MKX: variants seen among roughly 807,000 people sequenced by gnomAD.
MKX encodes mohawk homeobox, also known as homeobox protein Mohawk.
Under a neutral mutation model 36.0 loss-of-function variants are expected in MKX, and 13 were observed. That is an observed-to-expected ratio of 0.36 (90% confidence interval 0.24 to 0.57). MKX has a LOEUF of 0.57. Among genes scored for constraint, MKX ranks in the 20% least tolerant of loss-of-function variants. MKX has a pLI of 0.79. For missense variants in MKX, 458 were observed against 456.4 expected, an observed-to-expected ratio of 1.00 and a Z score of -0.03; for synonymous variants, 176 against 178.3, an observed-to-expected ratio of 0.99 and a Z score of 0.10.
At chr10:27,679,552 G>GT (rs1006991122) in intron 5 of MKX, among the ~76,000 whole-genome samples, 6 of 152,218 alleles carry the variant, frequency 3.9e-5, no homozygotes, top group Admixed American at 1.3e-4. Context: ...GGAGTAACGT[G>GT]TTCTGGTTCC....
rs773491424 is a variant in MKX, at chr10:27,741,329, A to T, written c.348+16T>A. 5.6e-6 allele frequency: 9 copies of T among 1,610,538 alleles called. No homozygotes were observed. In the South Asian group the frequency reaches 7.7e-5, roughly 14 times the overall value. On this transcript the variant is annotated intron_variant, in intron 3 of 6. Transcript: ENST00000419761. The surrounding 1 kb of genome is among the most constrained non-coding windows in gnomAD (Gnocchi z 5.1). ...TCGCGGGAAAACGGATCAGGGTGTTAATGGGTCCTGATTACCTGCACTAGC... is the reference window on the plus strand; with the variant it reads ...TCGCGGGAAAACGGATCAGGGTGTTTATGGGTCCTGATTACCTGCACTAGC...
chr10:27,686,781 CTT>C (rs1419149120), intron 5 of MKX, among the ~76,000 whole-genome samples: 1 of 152,060 alleles, frequency 6.6e-6, no homozygotes, highest in South Asian at 2.1e-4. Flanking sequence ...CCAGCCAACT[CTT>C]TTCCAAAAAT....
intron 5 of MKX, among the ~76,000 whole-genome samples, chr10:27,712,112 TG>T (rs1836884339): frequency 6.6e-6 from 1 of 152,156 alleles, no homozygotes; most frequent in African/African-American, 2.4e-5. Flanking sequence ...GATACAGCTC[TG>T]GAGTGGTCAA....
chr10:27,706,835 A>G lies in MKX; in HGVS notation c.838+27621T>C, dbSNP rs530802378. Among the ~76,000 whole-genome samples, 30 of 152,298 alleles carry G rather than the reference A, an allele frequency of 2.0e-4. 1 individual carries two copies. In the South Asian group the frequency reaches 6.2e-3, roughly 32 times the overall value. ...TATCTATATTTATACTTGCTCTTAA[A>G]TCCATAAAGAATCTCTGTAAGAATA... On this transcript the variant is annotated intron_variant, in intron 5 of 6. Coordinates refer to ENST00000419761, the MANE Select transcript of MKX (RefSeq NM_173576.3).
intron 5 of MKX, among the ~76,000 whole-genome samples, chr10:27,683,310 C>T (rs577566282): frequency 6.6e-6 from 1 of 152,340 alleles, no homozygotes; most frequent in South Asian, 2.1e-4. Context: ...CGATTGCCTA[C>T]AGTAGTCAGT....
chr10:27,675,966 T>C (rs1426629294), intron 5 of MKX, among the ~76,000 whole-genome samples: 1 of 152,190 alleles, frequency 6.6e-6, no homozygotes, highest in Non-Finnish European at 1.5e-5. Flanking sequence ...TTCAGTTCTC[T>C]AACTATAAAA....
At chr10:27,722,726 G>A (rs1490940075) in intron 5 of MKX, among the ~76,000 whole-genome samples, 7 of 152,202 alleles carry the variant, frequency 4.6e-5, no homozygotes, top group Non-Finnish European at 8.8e-5. Flanking sequence ...CACAGTTGAA[G>A]GAGTGGGGAC....
chr10:27,684,143 G>A (rs559188927), intron 5 of MKX, among the ~76,000 whole-genome samples: 24 of 151,642 alleles, frequency 1.6e-4, no homozygotes, highest in Non-Finnish European at 2.9e-4. Context: ...TTGAGACTCC[G>A]TGTCTATTAA....
chr10:27,689,287 C>T (rs953503770), intron 5 of MKX, among the ~76,000 whole-genome samples: 5 of 152,144 alleles, frequency 3.3e-5, no homozygotes, highest in Non-Finnish European at 7.3e-5. Context: ...TGTTCATCTG[C>T]TGTATTTACT....
intron 5 of MKX, among the ~76,000 whole-genome samples, chr10:27,717,801 C>T (rs1836992052): frequency 6.6e-6 from 1 of 152,176 alleles, no homozygotes; most frequent in African/African-American, 2.4e-5. Flanking sequence ...ATTTTAGCAC[C>T]TTAAAGGATG....
Position 27,744,217 on chromosome 10 carries a change from A to G in MKX, c.-82-720T>C, listed in dbSNP as rs1834994346. 6.6e-6 allele frequency among the ~76,000 whole-genome samples: 1 copy of G among 151,950 alleles called. No homozygotes were observed. Among genetic ancestry groups the G allele is most frequent in the African/African-American group, 2.4e-5 (1 of 41,376 alleles). On this transcript the variant is annotated intron_variant, in intron 1 of 6. Transcript: ENST00000419761. This position sits in a 1 kb window ranked among gnomAD's most constrained non-coding sequence, Gnocchi z 5.6. ...TATCATCCCCCAACGCGCCCCGGGA[A>G]GTGCATGGTCCTAAGGTCCAAGGCG... is the stretch of plus-strand genomic sequence containing the variant.
intron 5 of MKX, among the ~76,000 whole-genome samples, chr10:27,710,566 C>A (rs1032266508): frequency 2.0e-5 from 3 of 152,198 alleles, no homozygotes; most frequent in African/African-American, 7.2e-5. Flanking sequence ...GAATTTCTAC[C>A]TTTTCCACAC....
intron 5 of MKX, among the ~76,000 whole-genome samples, chr10:27,704,336 T>C (rs953275543): frequency 5.9e-5 from 9 of 152,094 alleles, no homozygotes; most frequent in Admixed American, 5.2e-4. Flanking sequence ...AGACAAGTTG[T>C]CCCTAAAGTT....
At chr10:27,745,107 C>T (rs1376226369) in intron 1 of MKX, among the ~76,000 whole-genome samples, 1 of 151,806 alleles carries the variant, frequency 6.6e-6, no homozygotes, top group East Asian at 1.9e-4. Context: ...GTACAAGACA[C>T]CCTTCCCCGG....
rs529600421 is a variant in MKX at position 27,742,316 on chromosome 10, C to G, written c.189-812G>C. Among the ~76,000 whole-genome samples the G allele has an allele frequency of 1.4e-4, 22 of 152,310 alleles. No individual in the cohort carries two copies. The highest frequency in any genetic ancestry group is 4.6e-4 in the African/African-American group (19 of 41,596). On this transcript the variant is annotated intron_variant, in intron 2 of 6. Transcript: ENST00000419761. The surrounding 1 kb of genome is among the most constrained non-coding windows in gnomAD (Gnocchi z 4.2). ...GGTGTCGCGCGCGGCCGCCAGCGAGCCCAGCCGCTCCCCGAGGCTTGCGCG... is the reference window on the plus strand; with the variant it reads ...GGTGTCGCGCGCGGCCGCCAGCGAGGCCAGCCGCTCCCCGAGGCTTGCGCG...
In MKX at chr10:27,675,110, A is replaced by C; in HGVS notation, c.*119T>G. 2.4e-6 allele frequency: 2 copies of C among 850,250 alleles called. No homozygotes were observed. The highest frequency in any genetic ancestry group is 5.2e-5 in the East Asian group (2 of 38,800). 52.7% of individuals were successfully genotyped at this position (850,250 alleles called of 1,614,324 possible). Reference sequence around the variant, plus strand: ...AGCAACTAAATGATATATTTGGGATAATTAAAAATAAGAAGAGGTTTGGGA... The same window carrying C: ...AGCAACTAAATGATATATTTGGGATCATTAAAAATAAGAAGAGGTTTGGGA... On this transcript the variant is annotated 3_prime_UTR_variant, in exon 7 of 7. Transcript: ENST00000419761.
chr10:27,687,296 GC>G lies in MKX; in HGVS notation c.839-11743del, dbSNP rs1440857462. 3.9e-5 allele frequency among the ~76,000 whole-genome samples: 6 copies of G among 152,164 alleles called. No homozygotes were observed. The East Asian group carries it at 1.2e-3, about 29-fold the overall frequency. ...TGGGATTACAGGCGTGAGCCATTGCGCCCAGCCCACACTTCTCTATTTTGAA... is the reference window on the plus strand; with the variant it reads ...TGGGATTACAGGCGTGAGCCATTGCGCCAGCCCACACTTCTCTATTTTGAA... On this transcript the variant is annotated intron_variant, in intron 5 of 6. Coordinates refer to ENST00000419761, the MANE Select transcript of MKX (RefSeq NM_173576.3).
chr10:27,734,622 G>T lies in MKX; in HGVS notation c.672C>A (p.Asn224Lys). ...GTCTCAAAGAGTCATTAAGGTAACGGTTCAACAAGCTGCTCTTGTATTTGG... is the reference window on the plus strand; with the variant it reads ...GTCTCAAAGAGTCATTAAGGTAACGTTTCAACAAGCTGCTCTTGTATTTGG... ...APPKYKSSLL[N>K]RYLNDSLRHV... The change falls in exon 5 of 7, where the codon AAC (asparagine) becomes AAA (lysine). Residue 224 changes from asparagine to lysine, a missense_variant. Asn to Lys is a moderately conservative substitution (Grantham distance 94). Coordinates refer to ENST00000419761, the MANE Select transcript of MKX (RefSeq NM_173576.3). 1 of 1,614,196 alleles carries T rather than the reference G, an allele frequency of 6.2e-7. No homozygotes were observed. The highest frequency in any genetic ancestry group is 8.5e-7 in the Non-Finnish European group (1 of 1,180,034).
At chr10:27,686,344 G>T (rs1836347909) in intron 5 of MKX, among the ~76,000 whole-genome samples, 1 of 147,844 alleles carries the variant, frequency 6.8e-6, no homozygotes, top group Non-Finnish European at 1.5e-5. Context: ...TTTGAAGAAG[G>T]AAAGAAAGAA....
Sources: gnomAD v4.1 joint callset for allele counts (sites outside exome capture counted in the v4.1 genomes callset) on GRCh38, gnomAD v4.1.1 for gene constraint, Gnocchi (gnomAD v3.1) non-coding constraint, MANE v1.5 for transcripts, NCBI Gene and HGNC (gene_info 2026-07-23, HGNC 2026-07-21) for gene names.